The following ACBD6 variants were observed in gnomAD, a reference collection of about 807,000 sequenced individuals.
ACBD6 encodes acyl-CoA binding domain containing 6.
Under a neutral mutation model 37.2 loss-of-function variants are expected in ACBD6, and 28 were observed. The ratio of observed to expected loss-of-function variants is 0.75; its 90% CI spans 0.56 to 1.03. ACBD6 has a LOEUF of 1.03. Ranked by LOEUF, ACBD6 falls within the 50% of genes least tolerant of loss-of-function variation. ACBD6 has a pLI of 0.00. For synonymous variants in ACBD6, 113 were observed against 126.8 expected, an observed-to-expected ratio of 0.89 and a Z score of 0.73; for missense variants, 340 against 337.4, an observed-to-expected ratio of 1.01 and a Z score of -0.06.
intron 6 of ACBD6, among the ~76,000 whole-genome samples, chr1:180,369,556 T>C (rs1653179076): frequency 6.6e-6 from 1 of 152,200 alleles, no homozygotes; most frequent in African/African-American, 2.4e-5. Context: ...TCTAAACTAA[T>C]ACCTTCTACT....
At chr1:180,453,553 C>A (rs563635087) in intron 3 of ACBD6, among the ~76,000 whole-genome samples, 2 of 152,136 alleles carry the variant, frequency 1.3e-5, no homozygotes, top group African/African-American at 4.8e-5. Flanking sequence ...CCAGGGCAAT[C>A]AGGCAAGAGA....
chr1:180,464,574 C>T (rs1650277525), intron 3 of ACBD6, among the ~76,000 whole-genome samples: 1 of 152,060 alleles, frequency 6.6e-6, no homozygotes, highest in Non-Finnish European at 1.5e-5. Context: ...TGCTCATGGA[C>T]AGGAAGAATC....
intron 4 of ACBD6, among the ~76,000 whole-genome samples, chr1:180,416,385 GC>G (rs1251005075): frequency 6.6e-6 from 1 of 152,078 alleles, no homozygotes; most frequent in African/African-American, 2.4e-5. Flanking sequence ...AAAATAACAT[GC>G]AAATGAATCC....
chr1:180,340,038 C>A (rs889822156), intron 6 of ACBD6, among the ~76,000 whole-genome samples: 1 of 152,058 alleles, frequency 6.6e-6, no homozygotes, highest in Admixed American at 6.6e-5. Flanking sequence ...AGTGCAAAGA[C>A]CCTGAAATGG....
intron 6 of ACBD6, among the ~76,000 whole-genome samples, chr1:180,362,081 A>C (rs955045688): frequency 6.6e-6 from 1 of 152,138 alleles, no homozygotes; most frequent in East Asian, 1.9e-4. Context: ...AATATCTTTA[A>C]TCATACTAAA....
chr1:180,498,719 G>A (rs906258462), intron 1 of ACBD6, among the ~76,000 whole-genome samples: 3 of 152,004 alleles, frequency 2.0e-5, no homozygotes, highest in African/African-American at 4.8e-5. Context: ...TCAATCAGGT[G>A]CGGTGGCAGA....
chr1:180,299,076 T>C (rs1008903677), intron 7 of ACBD6, among the ~76,000 whole-genome samples: 1 of 152,252 alleles, frequency 6.6e-6, no homozygotes. Context: ...CTGAACTACT[T>C]GAGTATATGC....
chr1:180,357,918 A>G (rs1409399069), intron 6 of ACBD6, among the ~76,000 whole-genome samples: 1 of 152,164 alleles, frequency 6.6e-6, no homozygotes, highest in Non-Finnish European at 1.5e-5. Context: ...TTAACTCTTG[A>G]ATTTGGGGTA....
intron 6 of ACBD6, among the ~76,000 whole-genome samples, chr1:180,377,949 AAATAATAATAAT>A (rs71118455): frequency 1.6e-4 from 23 of 143,400 alleles, no homozygotes; most frequent in African/African-American, 4.3e-4. Context: ...CTCTGTCTCA[AAATAATAATAAT>A]AATAATAATA....
chr1:180,400,313 T>A (rs1459371896), intron 5 of ACBD6, among the ~76,000 whole-genome samples: 3 of 152,220 alleles, frequency 2.0e-5, no homozygotes, highest in Non-Finnish European at 2.9e-5. Flanking sequence ...AAGGATGATG[T>A]GCTCTCAGAC....
At chr1:180,495,353 G>T in intron 2 of ACBD6, 108 bp downstream of exon 2, 1 of 787,906 alleles carries the variant, frequency 1.3e-6, no homozygotes. Context: ...CTACAGCAGA[G>T]AGAGAGATTA....
chr1:180,326,778 C>A (rs1359899175), intron 6 of ACBD6, among the ~76,000 whole-genome samples: 2 of 152,144 alleles, frequency 1.3e-5, no homozygotes, highest in Non-Finnish European at 2.9e-5. Flanking sequence ...ATGAATCCTG[C>A]AGGACTGGCT....
At chr1:180,445,136 A>G (rs1250083680) in intron 3 of ACBD6, among the ~76,000 whole-genome samples, 1 of 152,226 alleles carries the variant, frequency 6.6e-6, no homozygotes, top group Non-Finnish European at 1.5e-5. Flanking sequence ...TACATAAATA[A>G]AACAGTATCC....
At chr1:180,471,076 C>A (rs1279150184) in intron 3 of ACBD6, among the ~76,000 whole-genome samples, 3 of 152,080 alleles carry the variant, frequency 2.0e-5, no homozygotes, top group Non-Finnish European at 4.4e-5. Flanking sequence ...ATTGATATTT[C>A]TTTGCTCCTA....
intron 5 of ACBD6, among the ~76,000 whole-genome samples, chr1:180,410,720 T>C (rs1351116153): frequency 1.3e-5 from 2 of 152,216 alleles, no homozygotes; most frequent in Non-Finnish European, 2.9e-5. Flanking sequence ...TGCTTGGTCA[T>C]CCAAGAGTGC....
intron 3 of ACBD6, among the ~76,000 whole-genome samples, chr1:180,469,830 A>G (rs1411708828): frequency 1.3e-5 from 2 of 152,180 alleles, no homozygotes; most frequent in East Asian, 1.9e-4. Flanking sequence ...TTAATAAAAT[A>G]CTTGCCTCAG....
At chr1:180,355,896 C>G (rs1455074173) in intron 6 of ACBD6, among the ~76,000 whole-genome samples, 4 of 151,042 alleles carry the variant, frequency 2.6e-5, no homozygotes, top group Non-Finnish European at 5.9e-5. Context: ...GAGACGGAGT[C>G]TTGCTCTGTT....
chr1:180,401,771 G>C (rs1398669196), intron 5 of ACBD6, among the ~76,000 whole-genome samples: 2 of 137,580 alleles, frequency 1.5e-5, no homozygotes, highest in Non-Finnish European at 3.1e-5. Context: ...ATGGGCAACA[G>C]AGCAAAATTC....
chr1:180,407,411 T>A (rs1486870953), intron 5 of ACBD6, among the ~76,000 whole-genome samples: 1 of 152,238 alleles, frequency 6.6e-6, no homozygotes, highest in Non-Finnish European at 1.5e-5. Flanking sequence ...TCCTTGTCTT[T>A]ACACACACAA....
Sources: allele counts gnomAD v4.1 joint callset (sites outside exome capture counted in the v4.1 genomes callset), GRCh38; gene constraint gnomAD v4.1.1; transcripts MANE v1.5; gene names NCBI Gene and HGNC (gene_info 2026-07-23, HGNC 2026-07-21).